KIF16B: variants seen among roughly 807,000 people sequenced by gnomAD.
The protein encoded by KIF16B is kinesin family member 16B.
In KIF16B, 98 loss-of-function variants were observed where a neutral mutation model predicts 156.3. The observed-to-expected ratio is 0.63, with a 90% CI of 0.53 to 0.74. The LOEUF (loss-of-function observed/expected upper bound fraction) is 0.74, where lower values mean the gene tolerates loss of function less well. Among genes scored for constraint, KIF16B ranks in the 30% least tolerant of loss-of-function variants. The pLI, the probability that KIF16B is intolerant of heterozygous loss-of-function variation, is 0.00. For missense variants in KIF16B, 1,421 were observed against 1,606.5 expected (o/e 0.88, Z 1.97); for synonymous variants, 564 against 583.7 (o/e 0.97, Z 0.49).
chr20:16,315,952 G>A (rs892771763), intron 24 of KIF16B, among the ~76,000 whole-genome samples: 9 of 152,162 alleles, frequency 5.9e-5, no homozygotes, highest in Admixed American at 3.9e-4. Context: ...GGAAAAACAT[G>A]CCCCCATTAA....
At chr20:16,296,765 TTA>T (rs763888173) in intron 25 of KIF16B, among the ~76,000 whole-genome samples, 8 of 152,210 alleles carry the variant, frequency 5.3e-5, no homozygotes, top group Admixed American at 2.6e-4. Context: ...ATGGTCAATT[TTA>T]TGTGTTAGAT....
chr20:16,571,776 T>C (rs1027336420), intron 1 of KIF16B, among the ~76,000 whole-genome samples: 1 of 151,870 alleles, frequency 6.6e-6, no homozygotes, highest in Non-Finnish European at 1.5e-5. Flanking sequence ...ACTACAGGCG[T>C]CCACCACCAC....
At chr20:16,304,683 G>A (rs1015324343) in intron 25 of KIF16B, among the ~76,000 whole-genome samples, 1 of 152,176 alleles carries the variant, frequency 6.6e-6, no homozygotes, top group African/African-American at 2.4e-5. Context: ...GATCAGCAGA[G>A]AATAGATGAA....
intron 25 of KIF16B, among the ~76,000 whole-genome samples, chr20:16,278,976 T>C (rs944771432): frequency 2.5e-4 from 38 of 152,156 alleles, no homozygotes; most frequent in African/African-American, 9.2e-4. Flanking sequence ...GAGTTAAAAG[T>C]TCTTTACAAA....
chr20:16,438,939 A>G (rs551379490), intron 12 of KIF16B, among the ~76,000 whole-genome samples: 87 of 152,336 alleles, frequency 5.7e-4, no homozygotes, highest in Admixed American at 9.8e-4. Flanking sequence ...AAAAACAAAC[A>G]AAAATAAAAC....
At chr20:16,447,772 A>G (rs935328685) in intron 12 of KIF16B, among the ~76,000 whole-genome samples, 14 of 152,168 alleles carry the variant, frequency 9.2e-5, no homozygotes, top group African/African-American at 3.4e-4. Flanking sequence ...AACTAGAAAT[A>G]TTGGTTATAT....
At chr20:16,374,961 A>G (rs898432176) in intron 19 of KIF16B, among the ~76,000 whole-genome samples, 4 of 152,218 alleles carry the variant, frequency 2.6e-5, no homozygotes, top group Non-Finnish European at 5.9e-5. Context: ...GGGCAAGGGC[A>G]TGAAAACCAG....
At chr20:16,377,310 G>A (rs940171362) in intron 19 of KIF16B, among the ~76,000 whole-genome samples, 2 of 152,074 alleles carry the variant, frequency 1.3e-5, no homozygotes, top group East Asian at 1.9e-4. Flanking sequence ...CTATAATCCC[G>A]GCACTTTAGG....
intron 24 of KIF16B, among the ~76,000 whole-genome samples, chr20:16,331,120 G>A (rs77279234): frequency 0.016 from 2,377 of 152,302 alleles, 61 homozygotes; most frequent in African/African-American, 0.052. Context: ...ATGCATAGCT[G>A]GACCCAGGAG....
At chr20:16,527,051 G>C (rs1310535388) in intron 2 of KIF16B, among the ~76,000 whole-genome samples, 1 of 152,126 alleles carries the variant, frequency 6.6e-6, no homozygotes, top group East Asian at 1.9e-4. Context: ...CAGAGTCAGC[G>C]GTCTTTTACC....
intron 1 of KIF16B, among the ~76,000 whole-genome samples, chr20:16,541,707 T>C (rs2070207351): frequency 6.6e-6 from 1 of 152,198 alleles, no homozygotes; most frequent in Non-Finnish European, 1.5e-5. Flanking sequence ...CATTAAGTTA[T>C]GTCTTTGGGA....
At chr20:16,410,779 T>C in intron 15 of KIF16B, among the ~76,000 whole-genome samples, 1 of 151,844 alleles carries the variant, frequency 6.6e-6, no homozygotes, top group African/African-American at 2.4e-5. Context: ...AAGTAGGAAA[T>C]TCACTCCTTG....
chr20:16,419,889 G>A (rs2146367469), intron 15 of KIF16B, among the ~76,000 whole-genome samples: 1 of 152,160 alleles, frequency 6.6e-6, no homozygotes, highest in South Asian at 2.1e-4. Context: ...AAAATCTAAG[G>A]TCTAAGCCAC....
intron 2 of KIF16B, among the ~76,000 whole-genome samples, chr20:16,526,670 A>C (rs1053285128): frequency 2.0e-5 from 3 of 152,140 alleles, no homozygotes; most frequent in Non-Finnish European, 4.4e-5. Context: ...TGGAGAAGTA[A>C]TTTCTCCTAC....
At chr20:16,338,708 G>C (rs1454188558) in intron 23 of KIF16B, among the ~76,000 whole-genome samples, 1 of 152,096 alleles carries the variant, frequency 6.6e-6, no homozygotes, top group Non-Finnish European at 1.5e-5. Context: ...CAGCAGAATG[G>C]GGCTGAGGAA....
intron 1 of KIF16B, among the ~76,000 whole-genome samples, chr20:16,551,132 C>CTTCTTCT (rs55770608): frequency 1.4e-5 from 2 of 139,136 alleles, no homozygotes; most frequent in Admixed American, 1.4e-4. Context: ...GCTTTCTCTT[C>CTTCTTCT]TTTTTTTTTT....
rs1568948354 is a variant in KIF16B at position 16,410,048 on chromosome 20, T to TAGG, written c.1613-3593_1613-3592insCCT. The stretch of plus-strand genomic sequence containing the variant: ...ATATATGTAGGTACATATATATATG[T>TAGG]TGGTACATATATATATATGTAGGTA... On this transcript the variant is annotated intron_variant, in intron 15 of 25. Coordinates refer to ENST00000354981, the MANE Select transcript of KIF16B (RefSeq NM_024704.5). 4.8e-4 allele frequency among the ~76,000 whole-genome samples: 40 copies of TAGG among 83,628 alleles called. 9 individuals are homozygous for TAGG. Among genetic ancestry groups the TAGG allele is most frequent in the African/African-American group, 1.1e-3 (21 of 18,636 alleles). 54.9% of individuals were successfully genotyped at this position (83,628 alleles called of 152,430 possible). A position where few individuals can be genotyped will look rare whatever the true frequency, so the allele number is the denominator to read the frequency against.
chr20:16,483,254 T>C (rs1015061936), intron 12 of KIF16B, among the ~76,000 whole-genome samples: 2 of 152,154 alleles, frequency 1.3e-5, no homozygotes, highest in Non-Finnish European at 2.9e-5. Flanking sequence ...GATCAAACCA[T>C]GCCTAAACTC....
At chr20:16,394,816 C>G (rs1191400057) in intron 17 of KIF16B, among the ~76,000 whole-genome samples, 1 of 152,040 alleles carries the variant, frequency 6.6e-6, no homozygotes, top group Non-Finnish European at 1.5e-5. Context: ...GGTCTTCTTC[C>G]CTCCCAGGAC....
Sources: allele counts gnomAD v4.1 joint callset (sites outside exome capture counted in the v4.1 genomes callset), GRCh38; gene constraint gnomAD v4.1.1; transcripts MANE v1.5; gene names NCBI Gene and HGNC (gene_info 2026-07-23, HGNC 2026-07-21).